Variants in SLCO1C1 observed in about 807,000 individuals in gnomAD.
SLCO1C1 encodes the protein solute carrier organic anion transporter family member 1C1.
Under a neutral mutation model 76.4 loss-of-function variants are expected in SLCO1C1, and 70 were observed. The ratio of observed to expected loss-of-function variants is 0.92; its 90% CI spans 0.76 to 1.12. The LOEUF is 1.12. Ranked by LOEUF, SLCO1C1 falls within the 50% of genes most tolerant of loss-of-function variation. SLCO1C1 has a pLI of 0.00. For synonymous variants in SLCO1C1, 306 were observed against 286.1 expected (o/e 1.07, Z -0.70); for missense variants, 912 against 823.8 (o/e 1.11, Z -1.31).
chr12:20,699,560 C>G lies in SLCO1C1; in HGVS notation c.-17C>G. 1 of 1,596,064 alleles carries G rather than the reference C, an allele frequency of 6.3e-7. No individual in the cohort carries two copies. The highest frequency in any genetic ancestry group is 8.5e-7 in the Non-Finnish European group (1 of 1,173,786). On this transcript the variant is annotated 5_prime_UTR_variant, in exon 2 of 15. Coordinates refer to ENST00000266509, the MANE Select transcript of SLCO1C1 (RefSeq NM_017435.5). Reference sequence around the variant, plus strand: ...AAAACTAACTTTGACAGATCAGAGTCAAGGAATGTGTTTATAATGGACACT... The same window carrying G: ...AAAACTAACTTTGACAGATCAGAGTGAAGGAATGTGTTTATAATGGACACT...
chr12:20,746,666 C>CTGAACCTGA (rs1949058191), intron 13 of SLCO1C1, among the ~76,000 whole-genome samples: 1 of 152,104 alleles, frequency 6.6e-6, no homozygotes, highest in African/African-American at 2.4e-5. Context: ...ATACACAGTA[C>CTGAACCTGA]ATTTGCCTGA....
chr12:20,704,242 GAT>G (rs143641721), intron 3 of SLCO1C1, among the ~76,000 whole-genome samples: 114 of 150,388 alleles, frequency 7.6e-4, no homozygotes, highest in African/African-American at 2.5e-3. Context: ...ATGGTATATA[GAT>G]ATATATATAT....
At chr12:20,715,416 C>A in intron 6 of SLCO1C1, 131 bp downstream of exon 6, 1 of 1,040,734 alleles carries the variant, frequency 9.6e-7, no homozygotes. Flanking sequence ...TTAGCTCACA[C>A]ATTTCTGAAG....
chr12:20,733,140 T>C (rs2120829778), intron 10 of SLCO1C1, 36 bp downstream of exon 10: 1 of 1,485,560 alleles, frequency 6.7e-7, no homozygotes, highest in Non-Finnish European at 8.9e-7. Flanking sequence ...AGGATATTGG[T>C]TTGTTTAATT....
chr12:20,717,214 T>G lies in SLCO1C1; in HGVS notation c.759T>G (p.Ile253Met), dbSNP rs545499621. 4.0e-5 allele frequency: 63 copies of G among 1,586,832 alleles called. No individual in the cohort carries two copies. The Middle Eastern group carries it at 8.3e-4, about 21-fold the overall frequency. Residue 253 changes from isoleucine to methionine, a missense_variant, in exon 7 of 15, where the codon ATT becomes ATG. Coordinates refer to ENST00000266509, the MANE Select transcript of SLCO1C1 (RefSeq NM_017435.5). The stretch of plus-strand genomic sequence containing the variant: ...TATGTGCCAAACTATATGTTGACAT[T>G]GGCTTTGTAAACCTAGGTAAGGAAG... ...GSLCAKLYVDIGFVNLDHITI... is the reference protein window; with the variant it reads ...GSLCAKLYVDMGFVNLDHITI...
chr12:20,739,709 G>A lies in SLCO1C1; in HGVS notation c.1549-475G>A, dbSNP rs80086741. ...AGTGTAAACTGTTATAAGGATGTGG[G>A]GTTTCATGCAAGTATGATGAGAAAC... On this transcript the variant is annotated intron_variant, in intron 11 of 14. Coordinates refer to ENST00000266509, the MANE Select transcript of SLCO1C1 (RefSeq NM_017435.5). 7.6e-3 allele frequency among the ~76,000 whole-genome samples: 1,154 copies of A among 152,260 alleles called. 32 individuals are homozygous for A. The highest frequency in any genetic ancestry group is 0.066 in the East Asian group (341 of 5,166).
intron 13 of SLCO1C1, among the ~76,000 whole-genome samples, chr12:20,745,763 T>C (rs1018646691): frequency 6.6e-6 from 1 of 151,570 alleles, no homozygotes; most frequent in South Asian, 2.1e-4. Context: ...AGGCAGAGGT[T>C]GCAGTGAGCT....
intron 9 of SLCO1C1, among the ~76,000 whole-genome samples, chr12:20,727,443 T>C (rs1314953584): frequency 2.6e-5 from 4 of 152,170 alleles, no homozygotes; most frequent in African/African-American, 9.7e-5. Context: ...TGCATTTCTG[T>C]GATGATTATT....
intron 11 of SLCO1C1, among the ~76,000 whole-genome samples, chr12:20,738,232 T>C (rs1173476557): frequency 6.6e-6 from 1 of 152,156 alleles, no homozygotes; most frequent in Non-Finnish European, 1.5e-5. Flanking sequence ...CAGAAAGCAA[T>C]TGTGAAGGAT....
chr12:20,729,813 G>A (rs1948187143), intron 9 of SLCO1C1, among the ~76,000 whole-genome samples: 1 of 152,058 alleles, frequency 6.6e-6, no homozygotes, highest in South Asian at 2.1e-4. Context: ...GTTTTTATCA[G>A]TCAAAGCAAA....
chr12:20,706,481 T>C (rs1946781481), intron 4 of SLCO1C1, among the ~76,000 whole-genome samples: 1 of 152,148 alleles, frequency 6.6e-6, no homozygotes, highest in Admixed American at 6.5e-5. Flanking sequence ...CTCAGGGATA[T>C]ATTATCAACT....
At chr12:20,712,632 A>G (rs1025099781) in intron 5 of SLCO1C1, among the ~76,000 whole-genome samples, 1 of 152,164 alleles carries the variant, frequency 6.6e-6, no homozygotes. Flanking sequence ...CCTTTCTAAA[A>G]TTAATATATA....
chr12:20,748,625 C>G (rs1408533577), intron 13 of SLCO1C1, among the ~76,000 whole-genome samples: 3 of 152,118 alleles, frequency 2.0e-5, no homozygotes, highest in Non-Finnish European at 4.4e-5. Context: ...AGGTCAAAGA[C>G]CACATATTGC....
intron 4 of SLCO1C1, 108 bp downstream of exon 4, chr12:20,706,189 G>T (rs988168168): frequency 3.8e-6 from 5 of 1,325,268 alleles, no homozygotes; most frequent in South Asian, 1.9e-5. Flanking sequence ...TGATAACTTT[G>T]TCTTACTTTT....
chr12:20,705,781 A>G (rs1405430047), intron 3 of SLCO1C1, among the ~76,000 whole-genome samples, 168 bp from the exon 4 acceptor site: 2 of 152,036 alleles, frequency 1.3e-5, no homozygotes, highest in Non-Finnish European at 2.9e-5. Context: ...AGTAATGAAC[A>G]TGAGAATTTC....
chr12:20,749,757 A>G (rs1275859432), intron 13 of SLCO1C1, among the ~76,000 whole-genome samples: 8 of 152,240 alleles, frequency 5.3e-5, no homozygotes, highest in Admixed American at 5.2e-4. Context: ...GTGAGCTTAC[A>G]GTCTAGCAGA....
chr12:20,696,456 A>T (rs747682155), intron 1 of SLCO1C1, among the ~76,000 whole-genome samples: 1 of 152,080 alleles, frequency 6.6e-6, no homozygotes. Context: ...CATCTGCGGG[A>T]TCTAACTACA....
intron 7 of SLCO1C1, 110 bp from the exon 8 acceptor site, chr12:20,721,694 T>G: frequency 7.8e-7 from 1 of 1,288,088 alleles, no homozygotes; most frequent in Non-Finnish European, 1.0e-6. Flanking sequence ...GATGAATTAT[T>G]AGGTATTTTA....
At chr12:20,737,568 G>C (rs542342594) in intron 11 of SLCO1C1, among the ~76,000 whole-genome samples, 1 of 152,228 alleles carries the variant, frequency 6.6e-6, no homozygotes, top group Admixed American at 6.5e-5. Flanking sequence ...AATGTCTGTC[G>C]TATGATCATC....
Sources: allele counts gnomAD v4.1 joint callset (sites outside exome capture counted in the v4.1 genomes callset), GRCh38; gene constraint gnomAD v4.1.1; transcripts MANE v1.5; gene names NCBI Gene and HGNC (gene_info 2026-07-23, HGNC 2026-07-21).